KLF8: variants seen among roughly 807,000 people sequenced by gnomAD.
KLF8 encodes the protein KLF transcription factor 8.
A neutral mutation model predicts 18.2 loss-of-function variants in KLF8; 10 were observed. That is an observed-to-expected ratio of 0.55 (90% confidence interval 0.34 to 0.93). The LOEUF is 0.93. Ranked by LOEUF, KLF8 falls within the 40% of genes least tolerant of loss-of-function variation. KLF8 has a pLI of 0.02. For missense variants in KLF8, 264 were observed against 277.9 expected (o/e 0.95, Z 0.36); for synonymous variants, 109 against 97.3 (o/e 1.12, Z -0.71).
the KLF8 span, among the ~76,000 whole-genome samples, chrX:56,144,114 T>C: frequency 8.9e-6 from 1 of 112,175 alleles, no homozygotes; most frequent in South Asian, 3.7e-4. Context: ...CTGGGGCAAC[T>C]GGATATCCCC....
At chrX:56,186,705 A>G in the KLF8 span, among the ~76,000 whole-genome samples, 1 of 111,929 alleles carries the variant, frequency 8.9e-6, no homozygotes, top group South Asian at 3.7e-4. Context: ...TCAAACTAGA[A>G]CTCAGGATTA....
chrX:56,212,346 C>G, the KLF8 span, among the ~76,000 whole-genome samples: 5 of 53,883 alleles, frequency 9.3e-5, no homozygotes, highest in Non-Finnish European at 2.1e-4. Context: ...GTCTTGTGCC[C>G]CCACAATCCA....
chrX:55,983,965 T>C, the KLF8 span, among the ~76,000 whole-genome samples: 3 of 110,037 alleles, frequency 2.7e-5, no homozygotes, highest in Non-Finnish European at 5.7e-5. Context: ...TTCATTCTTC[T>C]TTATGGCTGT....
intron 1 of KLF8, among the ~76,000 whole-genome samples, chrX:56,241,014 G>C (rs981867898): frequency 1.8e-5 from 2 of 112,088 alleles, no homozygotes; most frequent in South Asian, 3.7e-4. Flanking sequence ...GAAATGCCAT[G>C]AAATGATATA....
At chrX:56,092,720 CTT>C in the KLF8 span, among the ~76,000 whole-genome samples, 1 of 104,241 alleles carries the variant, frequency 9.6e-6, no homozygotes. Context: ...ATGCCTCCAG[CTT>C]TTTTTTTTTC....
At chrX:56,147,094 A>G in the KLF8 span, among the ~76,000 whole-genome samples, 1 of 111,909 alleles carries the variant, frequency 8.9e-6, no homozygotes, top group Non-Finnish European at 1.9e-5. Flanking sequence ...AAATTGTATA[A>G]TAGCATCATG....
the KLF8 span, among the ~76,000 whole-genome samples, chrX:56,029,288 A>AAG: frequency 2.4e-4 from 27 of 111,459 alleles, no homozygotes; most frequent in Non-Finnish European, 4.3e-4. Context: ...TTCAGCTATA[A>AAG]AGAGCCCTGT....
At chrX:56,194,293 G>A in the KLF8 span, among the ~76,000 whole-genome samples, 1 of 111,636 alleles carries the variant, frequency 9.0e-6, no homozygotes, top group Non-Finnish European at 1.9e-5. Flanking sequence ...AAGGGGTTGG[G>A]GGATATCCCT....
At chrX:56,279,068 T>A (rs1212811889) in intron 5 of KLF8, among the ~76,000 whole-genome samples, 3 of 112,037 alleles carry the variant, frequency 2.7e-5, no homozygotes, top group Non-Finnish European at 5.6e-5. Flanking sequence ...GATTCAAGAC[T>A]CTTTCCTATC....
chrX:56,054,154 C>A, the KLF8 span, among the ~76,000 whole-genome samples: 1 of 110,174 alleles, frequency 9.1e-6, no homozygotes, highest in East Asian at 2.8e-4. Flanking sequence ...TATTTTGACA[C>A]GGAGTCTCTC....
Position 56,253,764 on chromosome X carries a change from C to CTTTTTTTTTTTTTTTTTTTTT in KLF8, c.81+3474_81+3475insTTTTTTTTTTTTTTTTTTTTT, listed in dbSNP as rs60291877. On this transcript the variant is annotated intron_variant, in intron 2 of 5. Coordinates refer to ENST00000468660, the MANE Select transcript of KLF8 (RefSeq NM_007250.5). ...GTACATAATGTCTTTTTTTCTTTTT[C>CTTTTTTTTTTTTTTTTTTTTT]TTTTTTTTTTTTTTGAGATGTTGTC... 4.7e-4 allele frequency among the ~76,000 whole-genome samples: 28 copies of CTTTTTTTTTTTTTTTTTTTTT among 60,113 alleles called. 1 individual carries two copies. The highest frequency in any genetic ancestry group is 1.1e-3 in the East Asian group (2 of 1,835). The allele number at this position is 60,113 out of a possible 115,157, so 52.2% of individuals were successfully genotyped here.
At chrX:56,072,079 A>AG in the KLF8 span, among the ~76,000 whole-genome samples, 4 of 111,749 alleles carry the variant, frequency 3.6e-5, no homozygotes, top group African/African-American at 9.7e-5. Flanking sequence ...GGACAGTTAC[A>AG]TTATTACAAT....
chrX:56,039,968 T>C, the KLF8 span, among the ~76,000 whole-genome samples: 1 of 111,393 alleles, frequency 9.0e-6, no homozygotes, highest in Non-Finnish European at 1.9e-5. Context: ...TTCCTAGGCA[T>C]TTTATTATTT....
the KLF8 span, among the ~76,000 whole-genome samples, chrX:55,937,495 T>G: frequency 8.9e-6 from 1 of 112,478 alleles, no homozygotes; most frequent in African/African-American, 3.2e-5. Context: ...GCGCAGCTCC[T>G]CACTAGCAAT....
the KLF8 span, among the ~76,000 whole-genome samples, chrX:56,075,538 G>A: frequency 6.3e-5 from 7 of 111,397 alleles, no homozygotes; most frequent in Non-Finnish European, 9.4e-5. Context: ...CACTCTTTTA[G>A]TTATTTTAAA....
the KLF8 span, among the ~76,000 whole-genome samples, chrX:56,127,382 A>G: frequency 8.9e-6 from 1 of 111,796 alleles, no homozygotes; most frequent in African/African-American, 3.3e-5. Flanking sequence ...CAGTGCTAAA[A>G]CATAGGCCAA....
the KLF8 span, among the ~76,000 whole-genome samples, chrX:56,183,452 C>T: frequency 8.9e-6 from 1 of 111,753 alleles, no homozygotes; most frequent in African/African-American, 3.3e-5. Context: ...CTTCAGCTCA[C>T]ACTCCGTGGG....
chrX:56,159,967 T>C, the KLF8 span, among the ~76,000 whole-genome samples: 1 of 111,796 alleles, frequency 8.9e-6, no homozygotes, highest in Non-Finnish European at 1.9e-5. Context: ...TCTAGTTCTT[T>C]TAATTGTGAT....
At chrX:56,184,922 G>T in the KLF8 span, among the ~76,000 whole-genome samples, 1 of 112,008 alleles carries the variant, frequency 8.9e-6, no homozygotes, top group African/African-American at 3.2e-5. Flanking sequence ...CAAAGATGGG[G>T]AAAAAACAGA....
Sources: allele counts gnomAD v4.1 joint callset (sites outside exome capture counted in the v4.1 genomes callset), GRCh38; gene constraint gnomAD v4.1.1; transcripts MANE v1.5; gene names NCBI Gene and HGNC (gene_info 2026-07-23, HGNC 2026-07-21).